The following TPP2 variants were observed in gnomAD, a reference collection of about 807,000 sequenced individuals.
TPP2 encodes tripeptidyl peptidase 2, also known as tripeptidyl-peptidase 2.
Under a neutral mutation model 155.9 loss-of-function variants are expected in TPP2, and 34 were observed. The observed-to-expected ratio is 0.22, with a 90% CI of 0.17 to 0.29. The LOEUF is 0.29. Among genes scored for constraint, TPP2 ranks in the 10% least tolerant of loss-of-function variants. TPP2 has a pLI of 1.00. For missense variants in TPP2, 1,028 were observed against 1,522.3 expected (o/e 0.68, Z 5.40); for synonymous variants, 510 against 529.4 (o/e 0.96, Z 0.50).
intron 29 of TPP2, 92 bp from the exon 30 acceptor site, chr13:102,678,135 C>A: frequency 8.1e-7 from 1 of 1,241,392 alleles, no homozygotes; most frequent in Non-Finnish European, 1.1e-6. Flanking sequence ...TACTACCTTA[C>A]TGTTACTATT....
intron 4 of TPP2, among the ~76,000 whole-genome samples, chr13:102,617,015 A>AT (rs1335689303): frequency 1.3e-5 from 2 of 149,634 alleles, no homozygotes; most frequent in Admixed American, 1.3e-4. Context: ...GGTTCAAGCT[A>AT]TTCTCGCCTC....
At chr13:102,629,235 T>G (rs952339878) in intron 8 of TPP2, among the ~76,000 whole-genome samples, 2 of 152,174 alleles carry the variant, frequency 1.3e-5, no homozygotes, top group Non-Finnish European at 2.9e-5. Flanking sequence ...TTTACTACCT[T>G]GTAGTATATT....
chr13:102,619,908 GTCACACTC>G (rs1881030082), intron 5 of TPP2, among the ~76,000 whole-genome samples: 1 of 152,166 alleles, frequency 6.6e-6, no homozygotes, highest in African/African-American at 2.4e-5. Context: ...ACATGATACA[GTCACACTC>G]AGTGATAAGC....
intron 18 of TPP2, 67 bp from the exon 19 acceptor site, chr13:102,644,837 ATTTAT>A: frequency 6.5e-7 from 1 of 1,548,624 alleles, no homozygotes; most frequent in Non-Finnish European, 8.9e-7. Context: ...TATTGGACAC[ATTTAT>A]TTTAGGTACA....
chr13:102,620,683 G>A (rs1325223198), intron 5 of TPP2, among the ~76,000 whole-genome samples: 3 of 152,160 alleles, frequency 2.0e-5, no homozygotes, highest in East Asian at 1.9e-4. Flanking sequence ...TGTTTAGCGC[G>A]TATCTCTGCA....
intron 5 of TPP2, among the ~76,000 whole-genome samples, chr13:102,622,369 TGAAG>T (rs1298000162): frequency 3.9e-5 from 6 of 152,204 alleles, no homozygotes; most frequent in Non-Finnish European, 5.9e-5. Flanking sequence ...GGAAAAAACA[TGAAG>T]GAAGACAACC....
intron 3 of TPP2, 33 bp from the exon 4 acceptor site, chr13:102,616,362 GC>G (rs760413443): frequency 6.4e-7 from 1 of 1,558,920 alleles, no homozygotes; most frequent in Non-Finnish European, 8.8e-7. Flanking sequence ...GTATTTGTCA[GC>G]CTAATTGTAA....
chr13:102,673,763 GTCTCTTAC>G (rs1299467763), intron 27 of TPP2, among the ~76,000 whole-genome samples: 8 of 152,188 alleles, frequency 5.3e-5, no homozygotes, highest in Non-Finnish European at 1.5e-5. Context: ...GTAATTAATA[GTCTCTTAC>G]TCAGAATTGT....
In TPP2 at chr13:102,663,749, G is replaced by T; in HGVS notation, c.3240+5G>T. 1 of 1,583,402 alleles carries T rather than the reference G, an allele frequency of 6.3e-7. No individual in the cohort carries two copies. The highest frequency in any genetic ancestry group is 8.6e-7 in the Non-Finnish European group (1 of 1,168,230). On this transcript the variant is annotated splice_donor_5th_base_variant and intron_variant, in intron 26 of 29. Transcript: ENST00000376052. ...CATCAATTGGATGCTGAAAAGGTTA[G>T]ACATGTTCATTCTGATATATCTTAT...
At chr13:102,641,404 TGTCTA>T (rs1566349372) in intron 16 of TPP2, among the ~76,000 whole-genome samples, 1 of 152,230 alleles carries the variant, frequency 6.6e-6, no homozygotes, top group Non-Finnish European at 1.5e-5. Context: ...GAGATTATCT[TGTCTA>T]GTCCCGTCAG....
At chr13:102,675,979 A>C (rs1042749978) in intron 28 of TPP2, among the ~76,000 whole-genome samples, 2 of 152,076 alleles carry the variant, frequency 1.3e-5, no homozygotes, top group Admixed American at 6.5e-5. Context: ...TTTTATTTCT[A>C]TCCTGATTTG....
chr13:102,647,275 C>A lies in TPP2; in HGVS notation c.2559C>A (p.Asp853Glu). The A allele has an allele frequency of 6.2e-7, 1 of 1,613,826 alleles. No individual in the cohort carries two copies. Among genetic ancestry groups the A allele is most frequent in the Non-Finnish European group, 8.5e-7 (1 of 1,179,926 alleles). Residue 853 changes from aspartate to glutamate, a missense_variant, in exon 21 of 30, where the codon GAC becomes GAA. Around this residue, in one of 7 missense-constraint regions of TPP2, gnomAD observed 4 missense variants for 24.4 expected, o/e 0.16. Coordinates refer to ENST00000376052, the MANE Select transcript of TPP2 (RefSeq NM_001330588.2). ...AACTATTATATGAATCTGAATTTGA[C>A]AGCCAACTGTGGATTATTTTTGACC... Reference protein sequence around the residue: ...LCELLYESEFDSQLWIIFDQN... With the variant: ...LCELLYESEFESQLWIIFDQN...
intron 2 of TPP2, among the ~76,000 whole-genome samples, chr13:102,606,462 A>G (rs1375763218): frequency 6.6e-6 from 1 of 152,186 alleles, no homozygotes; most frequent in Non-Finnish European, 1.5e-5. Flanking sequence ...GCTGAGGCTC[A>G]GGCTTCTTTT....
At chr13:102,629,637 T>G (rs1881878725) in intron 9 of TPP2, 28 bp downstream of exon 9, 3 of 1,548,016 alleles carry the variant, frequency 1.9e-6, no homozygotes, top group Admixed American at 2.4e-5. Context: ...GAAATAGATT[T>G]GTTTAGAAAC....
rs1176445585 is a variant in TPP2 at position 102,649,043 on chromosome 13, T to C, written c.2765T>C (p.Ile922Thr). The change falls in exon 22 of 30, where the codon ATT (isoleucine) becomes ACT (threonine). Residue 922 changes from isoleucine (I) to threonine (T), a missense_variant. Ile to Thr is a moderately conservative substitution (Grantham distance 89, BLOSUM62 -1). Around this residue, in one of 7 missense-constraint regions of TPP2, gnomAD observed 179 missense variants for 274.7 expected, o/e 0.65. Coordinates refer to ENST00000376052, the MANE Select transcript of TPP2 (RefSeq NM_001330588.2). Reference sequence around the variant, plus strand: ...TTGTCTAATACCTTGAGCTTAGATATTCATGAAAATCATAGTTTTGCACTT... The same window carrying C: ...TTGTCTAATACCTTGAGCTTAGATACTCATGAAAATCATAGTTTTGCACTT... ...HRLSNTLSLDIHENHSFALLG... is the reference protein window; with the variant it reads ...HRLSNTLSLDTHENHSFALLG... 6.2e-7 allele frequency: 1 copy of C among 1,613,838 alleles called. No individual in the cohort carries two copies. The highest frequency in any genetic ancestry group is 8.5e-7 in the Non-Finnish European group (1 of 1,179,940).
chr13:102,642,714 G>A (rs933766924), intron 16 of TPP2, among the ~76,000 whole-genome samples: 2 of 152,160 alleles, frequency 1.3e-5, no homozygotes, highest in Admixed American at 6.6e-5. Context: ...TCAGAGTAAA[G>A]TTAAGCATAA....
chr13:102,639,533 C>A (rs1374937342), intron 15 of TPP2, among the ~76,000 whole-genome samples: 1 of 152,122 alleles, frequency 6.6e-6, no homozygotes, highest in African/African-American at 2.4e-5. Flanking sequence ...TTCCCAGGCT[C>A]CGTAACTCTT....
intron 24 of TPP2, among the ~76,000 whole-genome samples, chr13:102,655,354 T>C (rs916642121): frequency 6.6e-6 from 1 of 152,212 alleles, no homozygotes; most frequent in Non-Finnish European, 1.5e-5. Flanking sequence ...TTTCAGTGAA[T>C]GTCTTTTTGG....
chr13:102,643,515 G>T, intron 17 of TPP2, 139 bp downstream of exon 17: 2 of 897,006 alleles, frequency 2.2e-6, no homozygotes, highest in South Asian at 3.3e-5. Flanking sequence ...CCAAAAAAAT[G>T]AAGTAGAAAA....
Sources: allele counts gnomAD v4.1 joint callset (sites outside exome capture counted in the v4.1 genomes callset), GRCh38; gene constraint gnomAD v4.1.1; regional missense constraint gnomAD v4.1.1; transcripts MANE v1.5; gene names NCBI Gene and HGNC (gene_info 2026-07-23, HGNC 2026-07-21).